GGA2: variants seen among roughly 807,000 people sequenced by gnomAD.
GGA2 encodes the protein ADP-ribosylation factor-binding protein GGA2.
GGA2 carries 48 observed loss-of-function variants against 79.5 expected under a neutral mutation model. The observed-to-expected ratio is 0.60, with a 90% confidence interval of 0.48 to 0.77. The LOEUF (loss-of-function observed/expected upper bound fraction) is 0.77. Among genes scored for constraint, GGA2 ranks in the 30% least tolerant of loss-of-function variants. The pLI, the probability that GGA2 is intolerant of heterozygous loss-of-function variation, is 0.00. For missense variants in GGA2, 770 were observed against 774.0 expected (o/e 0.99, Z 0.06); for synonymous variants, 317 against 302.0 (o/e 1.05, Z -0.51).
At position 23,479,756 on chromosome 16, in the gene GGA2, T is replaced by C; in HGVS notation, c.1129+9A>G. On this transcript the variant is annotated intron_variant, in intron 11 of 16. Coordinates refer to ENST00000309859, the MANE Select transcript of GGA2 (RefSeq NM_015044.4). ...CCTGTGCCTGCTCCCCACAAGCACC[T>C]GCCCTCACCCAAGGCTGCCAGGTCC... 6.2e-7 allele frequency: 1 copy of C among 1,613,708 alleles called. No homozygotes were observed. Among genetic ancestry groups the C allele is most frequent in the Non-Finnish European group, 8.5e-7 (1 of 1,179,876 alleles).
At chr16:23,487,238 C>A (rs998234355) in intron 6 of GGA2, among the ~76,000 whole-genome samples, 5 of 152,120 alleles carry the variant, frequency 3.3e-5, no homozygotes, top group Non-Finnish European at 7.4e-5. Flanking sequence ...CCTCGGCCTC[C>A]CAAAATGCTG....
chr16:23,493,161 G>C (rs1964810476), intron 4 of GGA2, among the ~76,000 whole-genome samples, 199 bp downstream of exon 4: 1 of 152,204 alleles, frequency 6.6e-6, no homozygotes, highest in Non-Finnish European at 1.5e-5. Context: ...AGGGAAATGT[G>C]AAAATGCTAA....
intron 1 of GGA2, among the ~76,000 whole-genome samples, chr16:23,496,051 G>C (rs1050685936): frequency 7.9e-5 from 12 of 152,082 alleles, no homozygotes; most frequent in African/African-American, 2.9e-4. Context: ...TGTAATCCCG[G>C]CATTTTGGGA....
intron 1 of GGA2, among the ~76,000 whole-genome samples, chr16:23,520,351 G>C (rs1245429461): frequency 6.6e-6 from 1 of 150,548 alleles, no homozygotes; most frequent in African/African-American, 2.4e-5. Context: ...TTACAAACAA[G>C]AAAATTGAGG....
chr16:23,469,066 G>C, intron 15 of GGA2, 70 bp from the exon 16 acceptor site: 1 of 1,001,512 alleles, frequency 1.0e-6, no homozygotes, highest in Non-Finnish European at 1.6e-6. Flanking sequence ...ATCAGGTGAG[G>C]GGGAGCTGGA....
rs760746101 is a variant in GGA2 at position 23,474,966 on chromosome 16, G to A, written c.1388C>T (p.Ser463Phe). The stretch of plus-strand genomic sequence containing the variant: ...CAGAGGTGTATTCTGTGAAGATGGG[G>A]AAGGAGCCAACGGGCCAGCCTCCCA... ...WSWEAGPLAP[S>F]PSSQNTPLAQ... Residue 463 changes from serine (S) to phenylalanine (F), a missense_variant, in exon 14 of 17, where the codon TCC (serine) becomes TTC (phenylalanine). By Grantham distance (155) the Ser-to-Phe change is radical (BLOSUM62 -2). Coordinates refer to ENST00000309859, the MANE Select transcript of GGA2 (RefSeq NM_015044.4). The A allele has an allele frequency of 2.5e-6, 4 of 1,612,788 alleles. No individual in the cohort carries two copies. In the East Asian group the frequency reaches 8.9e-5, roughly 36 times the overall value.
In GGA2 at chr16:23,495,834, T is replaced by TC; in HGVS notation, c.92-57dup. ...CATAATAGGAAGAAATTTACACCCCTCCCCATACACATGGTGGCCAAGAGC... is the reference window on the plus strand; with the variant it reads ...CATAATAGGAAGAAATTTACACCCCTCCCCCATACACATGGTGGCCAAGAGC... On this transcript the variant is annotated intron_variant, in intron 1 of 16. Transcript: ENST00000309859. 2.7e-6 allele frequency: 3 copies of TC among 1,108,246 alleles called. No individual in the cohort carries two copies. The South Asian group carries it at 4.1e-5, about 15-fold the overall frequency. 68.7% of individuals were successfully genotyped at this position (1,108,246 alleles called of 1,614,324 possible).
intron 1 of GGA2, among the ~76,000 whole-genome samples, chr16:23,502,338 A>T (rs2142140799): frequency 6.6e-6 from 1 of 152,302 alleles, no homozygotes; most frequent in African/African-American, 2.4e-5. Context: ...CAGGCCGATA[A>T]TGGTCATGCC....
chr16:23,478,198 CAAAAAAA>C (rs1280730858), intron 13 of GGA2, among the ~76,000 whole-genome samples, 163 bp downstream of exon 13: 22 of 38,098 alleles, frequency 5.8e-4, no homozygotes, highest in Non-Finnish European at 4.0e-4. Context: ...GACCCCGTCT[CAAAAAAA>C]AAAAAAAAAG....
Position 23,510,416 on chromosome 16 carries a change from C to A in GGA2, c.-5G>T. Reference sequence around the variant, plus strand: ...CGCCACCGCGGTCGCCGCCATCGCTCCAGCCCCGACGCTGCGGCCGCGGGC... The same window carrying A: ...CGCCACCGCGGTCGCCGCCATCGCTACAGCCCCGACGCTGCGGCCGCGGGC... On this transcript the variant is annotated 5_prime_UTR_variant, in exon 1 of 17. Transcript: ENST00000309859. 1 of 1,239,260 alleles carries A rather than the reference C, an allele frequency of 8.1e-7. No individual in the cohort carries two copies. Among genetic ancestry groups the A allele is most frequent in the South Asian group, 2.0e-5 (1 of 50,100 alleles). 76.8% of individuals were successfully genotyped at this position (1,239,260 alleles called of 1,614,324 possible).
In GGA2 at chr16:23,466,169, A is replaced by G. The variant is rs1276875678; in HGVS notation, c.*1421T>C. ...AGTCAAAAGATCAGACTGTAAAAATATCAGATATTGTAATTAAGAGCTCCA... is the reference window on the plus strand; with the variant it reads ...AGTCAAAAGATCAGACTGTAAAAATGTCAGATATTGTAATTAAGAGCTCCA... On this transcript the variant is annotated 3_prime_UTR_variant, in exon 17 of 17. Coordinates refer to ENST00000309859, the MANE Select transcript of GGA2 (RefSeq NM_015044.4). 1 of 152,192 alleles carries G rather than the reference A, an allele frequency of 6.6e-6. No individual in the cohort carries two copies. The highest frequency in any genetic ancestry group is 1.9e-4 in the East Asian group (1 of 5,202). The allele number at this position is 152,192 out of a possible 1,614,324, so 9.4% of individuals were successfully genotyped here. A position where few individuals can be genotyped will look rare whatever the true frequency, so the allele number is the denominator to read the frequency against.
intron 3 of GGA2, 93 bp from the exon 4 acceptor site, chr16:23,493,551 G>A (rs762172741): frequency 2.4e-6 from 2 of 817,254 alleles, no homozygotes; most frequent in Non-Finnish European, 4.3e-6. Flanking sequence ...GACTGCGCTG[G>A]AACCAAGGCT....
chr16:23,486,984 G>GTTT (rs35896041), intron 6 of GGA2, among the ~76,000 whole-genome samples, 194 bp from the exon 7 acceptor site: 87,154 of 132,892 alleles, frequency 0.66, 29,635 homozygotes, highest in Middle Eastern at 0.76. Flanking sequence ...CTTTTCTGTT[G>GTTT]TTTTTTTTTT....
chr16:23,496,323 A>AG (rs1456316335), intron 1 of GGA2, among the ~76,000 whole-genome samples: 2 of 151,564 alleles, frequency 1.3e-5, no homozygotes, highest in African/African-American at 4.8e-5. Context: ...AAAAAAAAAA[A>AG]AAAATTAACT....
chr16:23,476,739 G>A (rs1280831112), intron 13 of GGA2, among the ~76,000 whole-genome samples: 1 of 152,196 alleles, frequency 6.6e-6, no homozygotes, highest in African/African-American at 2.4e-5. Context: ...TTTTTAGGGA[G>A]TGGCACTTTG....
intron 4 of GGA2, among the ~76,000 whole-genome samples, chr16:23,492,871 T>C (rs760448654): frequency 6.6e-6 from 1 of 152,118 alleles, no homozygotes; most frequent in Non-Finnish European, 1.5e-5. Context: ...CCGGGTAGCA[T>C]GCAACTCAGG....
At chr16:23,500,680 T>TGGCG (rs1265761152) in intron 1 of GGA2, among the ~76,000 whole-genome samples, 1 of 152,230 alleles carries the variant, frequency 6.6e-6, no homozygotes, top group African/African-American at 2.4e-5. Flanking sequence ...GTGCAGGGTG[T>TGGCG]GGCGGGTGGA....
At chr16:23,492,064 C>A (rs1964795872) in intron 4 of GGA2, among the ~76,000 whole-genome samples, 1 of 152,192 alleles carries the variant, frequency 6.6e-6, no homozygotes, top group South Asian at 2.1e-4. Context: ...TGGGGACAGT[C>A]ATTTTTTGCC....
Position 23,507,669 on chromosome 16 carries a change from G to A in GGA2, c.91+2652C>T, listed in dbSNP as rs149141187. 3.9e-4 allele frequency among the ~76,000 whole-genome samples: 57 copies of A among 145,284 alleles called. No individual in the cohort carries two copies. In the East Asian group the frequency reaches 8.6e-3, roughly 22 times the overall value. On this transcript the variant is annotated intron_variant, in intron 1 of 16. Coordinates refer to ENST00000309859, the MANE Select transcript of GGA2 (RefSeq NM_015044.4). ...ACACAAATTAGCCGGTTGTGGTGGCGTGTGCCCGTAATCCCAGCTACTTGG... is the reference window on the plus strand; with the variant it reads ...ACACAAATTAGCCGGTTGTGGTGGCATGTGCCCGTAATCCCAGCTACTTGG...
Sources: gnomAD v4.1 joint callset for allele counts (sites outside exome capture counted in the v4.1 genomes callset) on GRCh38, gnomAD v4.1.1 for gene constraint, MANE v1.5 for transcripts, NCBI Gene and HGNC (gene_info 2026-07-23, HGNC 2026-07-21) for gene names.